SLC24A2: variants seen among roughly 807,000 people sequenced by gnomAD.
SLC24A2 encodes solute carrier family 24 member 2, also known as sodium/potassium/calcium exchanger 2.
A neutral mutation model predicts 62.0 loss-of-function variants in SLC24A2; 36 were observed. The ratio of observed to expected loss-of-function variants is 0.58; its 90% CI spans 0.44 to 0.77. The LOEUF is 0.77. SLC24A2 is among the 30% of genes least tolerant of loss of function. SLC24A2 has a pLI of 0.00. For missense variants in SLC24A2, 846 were observed against 817.9 expected, an observed-to-expected ratio of 1.03 and a Z score of -0.42; for synonymous variants, 358 against 294.0, an observed-to-expected ratio of 1.22 and a Z score of -2.23.
chr9:20,289,080 G>A, the SLC24A2 span, among the ~76,000 whole-genome samples: 1 of 152,108 alleles, frequency 6.6e-6, no homozygotes, highest in Non-Finnish European at 1.5e-5. Flanking sequence ...ATTAAGTGAT[G>A]CAGGCAACCT....
At chr9:20,101,302 T>C in the SLC24A2 span, among the ~76,000 whole-genome samples, 2 of 152,212 alleles carry the variant, frequency 1.3e-5, no homozygotes, top group Non-Finnish European at 2.9e-5. Context: ...TTGCTGAGAA[T>C]TGGACTTACT....
the SLC24A2 span, among the ~76,000 whole-genome samples, chr9:20,048,340 A>C: frequency 6.6e-6 from 1 of 152,208 alleles, no homozygotes; most frequent in African/African-American, 2.4e-5. Flanking sequence ...TGAGAAGGCA[A>C]TATTATTGGC....
chr9:20,304,387 G>A, the SLC24A2 span, among the ~76,000 whole-genome samples: 1 of 152,114 alleles, frequency 6.6e-6, no homozygotes, highest in South Asian at 2.1e-4. Flanking sequence ...AAGATATTTA[G>A]AAAGAGTCCA....
the SLC24A2 span, among the ~76,000 whole-genome samples, chr9:20,111,077 C>A: frequency 6.6e-6 from 1 of 152,126 alleles, no homozygotes; most frequent in African/African-American, 2.4e-5. Flanking sequence ...TTCCTGTCAC[C>A]CTTCTAGCTT....
the SLC24A2 span, among the ~76,000 whole-genome samples, chr9:19,986,387 G>C: frequency 6.9e-6 from 1 of 145,292 alleles, no homozygotes; most frequent in African/African-American, 2.5e-5. Context: ...TCCTCAAAAA[G>C]TTAAGTATAG....
At chr9:19,630,802 A>G (rs550924645) in intron 2 of SLC24A2, among the ~76,000 whole-genome samples, 45 of 152,324 alleles carry the variant, frequency 3.0e-4, no homozygotes, top group Admixed American at 1.1e-3. Flanking sequence ...TTGGGGAAAA[A>G]TAAAGGGCAC....
At chr9:20,104,295 C>G in the SLC24A2 span, among the ~76,000 whole-genome samples, 1 of 152,148 alleles carries the variant, frequency 6.6e-6, no homozygotes, top group Non-Finnish European at 1.5e-5. Context: ...ATCCAGGAGA[C>G]CTTTCCCAAT....
chr9:19,704,774 T>C (rs1003190973), intron 2 of SLC24A2, among the ~76,000 whole-genome samples: 1 of 150,810 alleles, frequency 6.6e-6, no homozygotes, highest in African/African-American at 2.5e-5. Flanking sequence ...CCTAGTGCTC[T>C]TGGAATTTAT....
In SLC24A2 at chr9:19,599,423, G is replaced by A. The variant is rs1329975170; in HGVS notation, c.1079-2144C>T. ...GTAGTGAAAAGCTGAATAACAGCAG[G>A]TGTTGTGGCAACTCAAGGCGCACTG... On this transcript the variant is annotated intron_variant, in intron 4 of 10. Transcript: ENST00000341998. The surrounding 1 kb of genome is among the most constrained non-coding windows in gnomAD (Gnocchi z 4.5). 1.3e-5 allele frequency among the ~76,000 whole-genome samples: 2 copies of A among 152,198 alleles called. No homozygotes were observed. The highest frequency in any genetic ancestry group is 2.9e-5 in the Non-Finnish European group (2 of 68,042).
At chr9:19,962,795 T>A in the SLC24A2 span, among the ~76,000 whole-genome samples, 5 of 152,154 alleles carry the variant, frequency 3.3e-5, no homozygotes, top group Non-Finnish European at 7.4e-5. Flanking sequence ...ACAATCATGT[T>A]GTCTGCAAAC....
the SLC24A2 span, among the ~76,000 whole-genome samples, chr9:20,159,621 G>T: frequency 6.6e-6 from 1 of 151,264 alleles, no homozygotes; most frequent in Admixed American, 6.6e-5. Flanking sequence ...AGGAAGGAGA[G>T]AGAAAGGGAA....
At chr9:19,862,622 TAAC>T in the SLC24A2 span, among the ~76,000 whole-genome samples, 5 of 151,970 alleles carry the variant, frequency 3.3e-5, no homozygotes, top group East Asian at 1.9e-4. Flanking sequence ...AAAATAATAA[TAAC>T]AACTTGTCAA....
the SLC24A2 span, among the ~76,000 whole-genome samples, chr9:19,851,673 G>T: frequency 4.6e-5 from 7 of 152,088 alleles, no homozygotes; most frequent in African/African-American, 1.7e-4. Flanking sequence ...CCTTTTTATG[G>T]CTGCATAGTA....
chr9:19,619,379 C>T (rs1308637208), intron 4 of SLC24A2, among the ~76,000 whole-genome samples: 1 of 152,184 alleles, frequency 6.6e-6, no homozygotes. Context: ...ACCTCACATC[C>T]TACTCCTGGT....
At chr9:20,175,017 T>TATA in the SLC24A2 span, among the ~76,000 whole-genome samples, 123 of 147,878 alleles carry the variant, frequency 8.3e-4, no homozygotes, top group African/African-American at 2.9e-3. Flanking sequence ...TCTGAATTTT[T>TATA]TATATATATA....
At chr9:19,813,030 G>A in the SLC24A2 span, among the ~76,000 whole-genome samples, 1 of 152,170 alleles carries the variant, frequency 6.6e-6, no homozygotes, top group Non-Finnish European at 1.5e-5. Context: ...CTCCTGCTCA[G>A]TTTAGTTTCA....
chr9:19,761,450 A>C (rs181001622), intron 2 of SLC24A2, among the ~76,000 whole-genome samples: 2 of 148,954 alleles, frequency 1.3e-5, no homozygotes, highest in Non-Finnish European at 2.9e-5. Flanking sequence ...TGGTTGCATA[A>C]ATGTCATTTT....
At chr9:20,006,463 G>C in the SLC24A2 span, among the ~76,000 whole-genome samples, 1 of 152,010 alleles carries the variant, frequency 6.6e-6, no homozygotes, top group South Asian at 2.1e-4. Flanking sequence ...AAATAACTAA[G>C]AGTATAATTG....
intron 5 of SLC24A2, among the ~76,000 whole-genome samples, chr9:19,591,193 C>G (rs916328267): frequency 1.6e-4 from 24 of 152,148 alleles, no homozygotes; most frequent in African/African-American, 5.8e-4. Context: ...TACAGCTCTG[C>G]CTGACCTCTA....
Sources: allele counts gnomAD v4.1 joint callset (sites outside exome capture counted in the v4.1 genomes callset), GRCh38; gene constraint gnomAD v4.1.1; non-coding constraint Gnocchi (gnomAD v3.1); transcripts MANE v1.5; gene names NCBI Gene and HGNC (gene_info 2026-07-23, HGNC 2026-07-21).